Variants in DDX60 observed in about 807,000 individuals in gnomAD.
DDX60 encodes the protein DExD/H-box helicase 60, also known as probable ATP-dependent RNA helicase DDX60.
DDX60 carries 165 observed loss-of-function variants against 212.8 expected under a neutral mutation model. The observed-to-expected ratio is 0.78, with a 90% CI of 0.68 to 0.88. The LOEUF is 0.88. DDX60 is among the 40% of genes least tolerant of loss of function. DDX60 has a pLI of 0.00. For missense variants in DDX60, 1,905 were observed against 2,003.9 expected (o/e 0.95, Z 0.94); for synonymous variants, 703 against 685.3 (o/e 1.03, Z -0.40).
intron 34 of DDX60, 145 bp from the exon 35 acceptor site, chr4:168,224,530 A>G (rs1460455114): frequency 1.4e-6 from 1 of 728,326 alleles, no homozygotes; most frequent in Non-Finnish European, 2.2e-6. Flanking sequence ...TATATCGCAT[A>G]AGGTTAGTAG....
At position 168,302,065 on chromosome 4, in the gene DDX60, T is replaced by C. The variant is rs546860905; in HGVS notation, c.723+235A>G. On this transcript the variant is annotated intron_variant, in intron 6 of 37. Coordinates refer to ENST00000393743, the MANE Select transcript of DDX60 (RefSeq NM_017631.6). The stretch of plus-strand genomic sequence containing the variant: ...TGGTATCCTGGACTGGATCCTGAAA[T>C]AGCAAAGAGACATGAGTGGAAAAGT... Among the ~76,000 whole-genome samples the C allele has an allele frequency of 5.0e-3, 741 of 148,854 alleles. 6 individuals carry two copies. The highest frequency in any genetic ancestry group is 0.018 in the African/African-American group (698 of 38,164).
At chr4:168,233,668 A>G (rs751086291) in intron 33 of DDX60, among the ~76,000 whole-genome samples, 11 of 152,252 alleles carry the variant, frequency 7.2e-5, no homozygotes, top group Non-Finnish European at 1.6e-4. Context: ...ATGAGGACAC[A>G]AAGTCATAAA....
At chr4:168,234,231 T>C (rs1560816229) in intron 33 of DDX60, among the ~76,000 whole-genome samples, 1 of 152,108 alleles carries the variant, frequency 6.6e-6, no homozygotes, top group Non-Finnish European at 1.5e-5. Flanking sequence ...GTTTTAAAAC[T>C]ATGGTGTGTT....
intron 22 of DDX60, among the ~76,000 whole-genome samples, chr4:168,264,098 A>C (rs1462399540): frequency 6.6e-6 from 1 of 152,210 alleles, no homozygotes; most frequent in Non-Finnish European, 1.5e-5. Flanking sequence ...GTTGAAAAAA[A>C]CTGGAGATGA....
At chr4:168,222,780 C>A (rs956890239) in intron 35 of DDX60, among the ~76,000 whole-genome samples, 1 of 151,896 alleles carries the variant, frequency 6.6e-6, no homozygotes, top group Admixed American at 6.6e-5. Flanking sequence ...CCCAGAAAAT[C>A]AATACCTAAG....
intron 30 of DDX60, among the ~76,000 whole-genome samples, chr4:168,243,026 C>G (rs1437288052): frequency 6.6e-6 from 1 of 152,140 alleles, no homozygotes; most frequent in Non-Finnish European, 1.5e-5. Context: ...AAGAGGAGTT[C>G]CCTTGCACAA....
In DDX60 at chr4:168,272,110, T is replaced by G; in HGVS notation, c.2603A>C (p.Glu868Ala). 6.3e-7 allele frequency: 1 copy of G among 1,584,276 alleles called. No homozygotes were observed. Among genetic ancestry groups the G allele is most frequent in the Non-Finnish European group, 8.6e-7 (1 of 1,162,282 alleles). ...QVLITVPACF[E>A]ILLLAPHRQN... The stretch of plus-strand genomic sequence containing the variant: ...GCGATGAGGAGCAAGCAGCAGAATT[T>G]CAAAGCAGGCAGGCACTGTAATAAG... Residue 868 changes from glutamate to alanine, a missense_variant, in exon 19 of 38, where the codon GAA becomes GCA. By Grantham distance (107) the Glu-to-Ala change is moderately radical. Coordinates refer to ENST00000393743, the MANE Select transcript of DDX60 (RefSeq NM_017631.6).
Position 168,285,412 on chromosome 4 carries a change from C to T in DDX60, c.1426G>A (p.Asp476Asn), listed in dbSNP as rs906709061. ...TTATACCTCTTTAGAAAAGGCAAATCTTTCAAAATATCTCCAGCAAATTTA... is the reference window on the plus strand; with the variant it reads ...TTATACCTCTTTAGAAAAGGCAAATTTTTCAAAATATCTCCAGCAAATTTA... ...VDKFAGDILKDLPFLKSDDPI... is the reference protein window; with the variant it reads ...VDKFAGDILKNLPFLKSDDPI... The change falls in exon 11 of 38, where the codon GAT becomes AAT. Residue 476 changes from aspartate to asparagine, a missense_variant. Physicochemically the swap from Asp to Asn is conservative, Grantham distance 23 (BLOSUM62 1). Coordinates refer to ENST00000393743, the MANE Select transcript of DDX60 (RefSeq NM_017631.6). 1 of 1,610,184 alleles carries T rather than the reference C, an allele frequency of 6.2e-7. No individual in the cohort carries two copies. Among genetic ancestry groups the T allele is most frequent in the Non-Finnish European group, 8.5e-7 (1 of 1,178,548 alleles).
intron 8 of DDX60, among the ~76,000 whole-genome samples, chr4:168,291,076 A>G (rs1736073839): frequency 6.6e-6 from 1 of 152,194 alleles, no homozygotes; most frequent in South Asian, 2.1e-4. Flanking sequence ...TAATACAACC[A>G]TCAAAGTCTT....
chr4:168,274,621 C>G (rs963163842), intron 16 of DDX60, among the ~76,000 whole-genome samples: 7 of 152,084 alleles, frequency 4.6e-5, no homozygotes, highest in South Asian at 2.1e-4. Context: ...CACACCTCAG[C>G]GTGAATTGGG....
intron 2 of DDX60, 93 bp downstream of exon 2, chr4:168,311,163 A>G: frequency 6.7e-7 from 1 of 1,489,458 alleles, no homozygotes; most frequent in Non-Finnish European, 9.3e-7. Flanking sequence ...AGAAAGTAAA[A>G]CAGTAATGTG....
intron 33 of DDX60, among the ~76,000 whole-genome samples, chr4:168,226,356 T>C (rs1733254369): frequency 6.6e-6 from 1 of 151,966 alleles, no homozygotes; most frequent in Admixed American, 6.6e-5. Flanking sequence ...GATGATTAGG[T>C]CATGAGGGTG....
At chr4:168,271,652 T>G (rs1004640393) in intron 19 of DDX60, among the ~76,000 whole-genome samples, 5 of 152,202 alleles carry the variant, frequency 3.3e-5, no homozygotes, top group Admixed American at 3.3e-4. Flanking sequence ...TAATTATCTG[T>G]TGGGATCATG....
chr4:168,297,241 C>T (rs1175135932), intron 6 of DDX60, among the ~76,000 whole-genome samples: 1 of 140,736 alleles, frequency 7.1e-6, no homozygotes, highest in Non-Finnish European at 1.5e-5. Context: ...ACTGATAAAC[C>T]AAAAACAGGG....
chr4:168,233,818 A>G (rs1056412879), intron 33 of DDX60, among the ~76,000 whole-genome samples: 1 of 152,082 alleles, frequency 6.6e-6, no homozygotes, highest in Admixed American at 6.6e-5. Flanking sequence ...GAACTTATAC[A>G]TGTAACCAAA....
intron 33 of DDX60, 73 bp from the exon 34 acceptor site, chr4:168,225,749 A>G: frequency 7.1e-7 from 1 of 1,404,704 alleles, no homozygotes; most frequent in Admixed American, 2.2e-5. Context: ...GGAAGAAGAA[A>G]GGTAAAGAAC....
chr4:168,289,756 C>A (rs1579056849), intron 8 of DDX60, among the ~76,000 whole-genome samples: 1 of 152,312 alleles, frequency 6.6e-6, no homozygotes, highest in South Asian at 2.1e-4. Flanking sequence ...GGTCTAGGAA[C>A]TATTTGACTC....
intron 26 of DDX60, 59 bp downstream of exon 26, chr4:168,255,652 C>G: frequency 1.4e-6 from 2 of 1,395,518 alleles, no homozygotes; most frequent in Non-Finnish European, 1.9e-6. Context: ...ACGTTTCCTA[C>G]TAGGACTTGG....
intron 8 of DDX60, among the ~76,000 whole-genome samples, chr4:168,291,375 T>A (rs913828217): frequency 6.6e-6 from 1 of 152,170 alleles, no homozygotes; most frequent in Non-Finnish European, 1.5e-5. Flanking sequence ...GTATCCAAAT[T>A]GTCTCTAAAT....
Sources: gnomAD v4.1 joint callset for allele counts (sites outside exome capture counted in the v4.1 genomes callset) on GRCh38, gnomAD v4.1.1 for gene constraint, MANE v1.5 for transcripts, NCBI Gene and HGNC (gene_info 2026-07-23, HGNC 2026-07-21) for gene names.